The following NRXN3 variants were observed in gnomAD, a reference collection of about 807,000 sequenced individuals.
NRXN3 encodes neurexin 3, also known as neurexin III.
A neutral mutation model predicts 137.6 loss-of-function variants in NRXN3; 32 were observed. The ratio of observed to expected loss-of-function variants is 0.23; its 90% CI spans 0.18 to 0.31. The LOEUF is 0.31. Ranked by LOEUF, NRXN3 falls within the 10% of genes least tolerant of loss-of-function variation. The pLI is 1.00. For synonymous variants in NRXN3, 798 were observed against 784.5 expected (o/e 1.02, Z -0.29); for missense variants, 1,574 against 2,062.5 (o/e 0.76, Z 4.59).
chr14:79,552,492 G>A (rs1197265656), intron 16 of NRXN3, among the ~76,000 whole-genome samples: 1 of 152,092 alleles, frequency 6.6e-6, no homozygotes, highest in South Asian at 2.1e-4. Context: ...GAAATAAACT[G>A]GAAATAGATT....
intron 16 of NRXN3, among the ~76,000 whole-genome samples, chr14:79,478,360 G>A (rs1187040338): frequency 6.6e-6 from 1 of 151,928 alleles, no homozygotes; most frequent in Non-Finnish European, 1.5e-5. Flanking sequence ...TTGTTCCAGA[G>A]CTGTTTTTTC....
At chr14:78,324,370 A>G (rs1044799596) in intron 4 of NRXN3, among the ~76,000 whole-genome samples, 35 of 152,072 alleles carry the variant, frequency 2.3e-4, no homozygotes, top group Non-Finnish European at 5.9e-5. Flanking sequence ...CCTGCTCACA[A>G]TGAGATGTGT....
intron 15 of NRXN3, among the ~76,000 whole-genome samples, chr14:79,270,880 C>T (rs1218963120): frequency 1.3e-5 from 2 of 152,178 alleles, no homozygotes; most frequent in Non-Finnish European, 2.9e-5. Flanking sequence ...TTAGAATGTG[C>T]TAAATTCTCA....
chr14:79,006,499 A>C (rs1316126070), intron 15 of NRXN3, among the ~76,000 whole-genome samples: 1 of 152,228 alleles, frequency 6.6e-6, no homozygotes, highest in Non-Finnish European at 1.5e-5. Context: ...AACTGGTGAA[A>C]TGGCAAACAT....
chr14:78,781,755 T>C (rs1244498707), intron 8 of NRXN3, among the ~76,000 whole-genome samples: 1 of 152,202 alleles, frequency 6.6e-6, no homozygotes, highest in African/African-American at 2.4e-5. Flanking sequence ...ATAATAGAAT[T>C]CAGAACAATA....
In NRXN3 at chr14:78,872,274, TATAA is replaced by T. The variant is rs201309134; in HGVS notation, c.2275+61938_2275+61941del. Among the ~76,000 whole-genome samples the T allele has an allele frequency of 8.9e-3, 1,318 of 147,876 alleles. 13 individuals are homozygous for T. Among genetic ancestry groups the T allele is most frequent in the African/African-American group, 0.03 (1,244 of 40,882 alleles). ...TATTATATATGTATATATATTTACA[TATAA>T]ATAAATATATATACATATTTTAATA... is the stretch of plus-strand genomic sequence containing the variant. On this transcript the variant is annotated intron_variant, in intron 10 of 20. Transcript: ENST00000335750.
At chr14:79,412,000 C>T (rs2095423701) in intron 15 of NRXN3, among the ~76,000 whole-genome samples, 1 of 152,090 alleles carries the variant, frequency 6.6e-6, no homozygotes, top group African/African-American at 2.4e-5. Context: ...TCAGACATAC[C>T]TCTGCCACTG....
chr14:79,790,281 G>A (rs2099141016), intron 19 of NRXN3, among the ~76,000 whole-genome samples: 1 of 151,936 alleles, frequency 6.6e-6, no homozygotes, highest in African/African-American at 2.4e-5. Context: ...GTCACATGGT[G>A]AGAGAGGGAG....
chr14:79,227,011 G>A (rs1002871057), intron 15 of NRXN3, among the ~76,000 whole-genome samples: 1 of 151,516 alleles, frequency 6.6e-6, no homozygotes, highest in Non-Finnish European at 1.5e-5. Context: ...AGTAGAAACG[G>A]GTTTCACCAT....
intron 4 of NRXN3, among the ~76,000 whole-genome samples, chr14:78,608,257 C>T (rs1282273999): frequency 6.6e-6 from 1 of 152,022 alleles, no homozygotes. Flanking sequence ...TACAACTTCC[C>T]ACCCCCACTT....
At chr14:78,609,901 G>C (rs181812145) in intron 4 of NRXN3, among the ~76,000 whole-genome samples, 122 of 152,142 alleles carry the variant, frequency 8.0e-4, no homozygotes, top group Non-Finnish European at 1.5e-3. Flanking sequence ...CTTGGAAAAC[G>C]TTTACCTCAT....
intron 4 of NRXN3, among the ~76,000 whole-genome samples, chr14:78,404,704 A>G (rs1598306743): frequency 1.3e-5 from 2 of 152,164 alleles, no homozygotes; most frequent in African/African-American, 4.8e-5. Flanking sequence ...ATAAATGTAC[A>G]ATGATTAAAT....
intron 4 of NRXN3, among the ~76,000 whole-genome samples, chr14:78,551,370 A>G (rs1417430089): frequency 4.6e-5 from 7 of 151,952 alleles, no homozygotes; most frequent in African/African-American, 1.7e-4. Context: ...ACTTTGTCTT[A>G]TTACTGACTT....
intron 10 of NRXN3, among the ~76,000 whole-genome samples, chr14:78,827,300 C>A (rs1160450107): frequency 6.6e-6 from 1 of 150,622 alleles, no homozygotes; most frequent in Non-Finnish European, 1.5e-5. Context: ...AAAGAACATT[C>A]CAGAAATAAT....
rs1231790763 is a variant in NRXN3 at position 78,930,134 on chromosome 14, C to T, written c.2276-27108C>T. 2.6e-5 allele frequency among the ~76,000 whole-genome samples: 4 copies of T among 152,174 alleles called. No individual in the cohort carries two copies. The East Asian group carries it at 7.7e-4, about 29-fold the overall frequency. On this transcript the variant is annotated intron_variant, in intron 10 of 20. Coordinates refer to ENST00000335750, the MANE Select transcript of NRXN3 (RefSeq NM_001330195.2). The stretch of plus-strand genomic sequence containing the variant: ...TAAACTCTTTGAGCTTAACGCTCTT[C>T]AAGTTCCCTGCTGGCCTGTAAGTAA...
chr14:78,810,871 G>T (rs2098908698), intron 10 of NRXN3, among the ~76,000 whole-genome samples: 1 of 152,180 alleles, frequency 6.6e-6, no homozygotes, highest in Non-Finnish European at 1.5e-5. Context: ...TTTAACCAAA[G>T]ACTTGAGACA....
chr14:79,273,629 G>A (rs989845917), intron 15 of NRXN3, among the ~76,000 whole-genome samples: 44 of 152,170 alleles, frequency 2.9e-4, no homozygotes, highest in Non-Finnish European at 1.2e-4. Context: ...GTGAGACTCC[G>A]TCTCAAAATA....
rs1555518606 is a variant in NRXN3, at chr14:78,419,961, G to GCGCGCGCACACA, written c.757+122102_757+122103insGCGCGCACACAC. 6.1e-5 allele frequency among the ~76,000 whole-genome samples: 3 copies of GCGCGCGCACACA among 49,242 alleles called. No homozygotes were observed. In the East Asian group the frequency reaches 8.2e-4, roughly 13 times the overall value. The allele number at this position is 49,242 out of a possible 152,430, so 32.3% of individuals were successfully genotyped here. A position where few individuals can be genotyped will look rare whatever the true frequency, so the allele number is the denominator to read the frequency against. ...CACGTGTGTGCGCGCGCGCGCGCAC[G>GCGCGCGCACACA]CACACACACACACACACACACACAC... On this transcript the variant is annotated intron_variant, in intron 4 of 20. Coordinates refer to ENST00000335750, the MANE Select transcript of NRXN3 (RefSeq NM_001330195.2).
At chr14:78,845,729 G>A (rs187924034) in intron 10 of NRXN3, among the ~76,000 whole-genome samples, 101 of 152,084 alleles carry the variant, frequency 6.6e-4, no homozygotes, top group South Asian at 3.3e-3. Context: ...TTCATTCTGC[G>A]TGTAAGATCT....
Sources: allele counts gnomAD v4.1 joint callset (sites outside exome capture counted in the v4.1 genomes callset), GRCh38; gene constraint gnomAD v4.1.1; transcripts MANE v1.5; gene names NCBI Gene and HGNC (gene_info 2026-07-23, HGNC 2026-07-21).